Variants in ITPR1 observed in about 807,000 individuals in gnomAD.
ITPR1 encodes the protein inositol 1,4,5-trisphosphate-gated calcium channel ITPR1.
A neutral mutation model predicts 318.4 loss-of-function variants in ITPR1; 96 were observed. The observed-to-expected ratio is 0.30, with a 90% CI of 0.26 to 0.36. The LOEUF (loss-of-function observed/expected upper bound fraction) is 0.36. Ranked by LOEUF, ITPR1 falls within the 10% of genes least tolerant of loss-of-function variation. The pLI is 1.00. For synonymous variants in ITPR1, 1,312 were observed against 1,289.9 expected (o/e 1.02, Z -0.37); for missense variants, 2,440 against 3,460.2 (o/e 0.71, Z 7.40).
rs562710059 is a variant in ITPR1, at chr3:4,779,989, G to A, written c.6387+344G>A. Among the ~76,000 whole-genome samples, 41 of 152,082 alleles carry A rather than the reference G, an allele frequency of 2.7e-4. No homozygotes were observed. The highest frequency in any genetic ancestry group is 8.4e-4 in the African/African-American group (35 of 41,494). On this transcript the variant is annotated intron_variant, in intron 49 of 61. Transcript: ENST00000649015. The surrounding 1 kb of genome is among the most constrained non-coding windows in gnomAD (Gnocchi z 4.0). ...GCATAAACCACATGGAGAAGCCTCC[G>A]TCTCTGTTTTTCCCTCATGGGGGAC...
intron 44 of ITPR1, among the ~76,000 whole-genome samples, chr3:4,752,166 C>T (rs1343672068): frequency 3.9e-5 from 6 of 152,122 alleles, no homozygotes; most frequent in Admixed American, 1.3e-4. Context: ...TATTGCTCTT[C>T]GAGGAGGATG....
chr3:4,644,230 A>C lies in ITPR1; in HGVS notation c.620A>C (p.Asn207Thr), dbSNP rs772979758. The C allele has an allele frequency of 3.1e-6, 5 of 1,601,408 alleles. No homozygotes were observed. The highest frequency in any genetic ancestry group is 4.3e-6 in the Non-Finnish European group (5 of 1,172,722). Residue 207 changes from asparagine (N) to threonine (T), a missense_variant, in exon 8 of 62, where the codon AAT becomes ACT. Coordinates refer to ENST00000649015, the MANE Select transcript of ITPR1 (RefSeq NM_001378452.1). ...SHQLVDNPGC[N>T]EVNSVNCNTS... The stretch of plus-strand genomic sequence containing the variant: ...CAACTGGTAGATAACCCAGGCTGCA[A>C]TGAGGTAAGGACATTGAGTTATGTG...
chr3:4,589,311 A>G (rs2090187559), intron 4 of ITPR1, among the ~76,000 whole-genome samples: 2 of 152,156 alleles, frequency 1.3e-5, no homozygotes, highest in Non-Finnish European at 1.5e-5. Flanking sequence ...TCGTGAAAAA[A>G]CAAATGGTGG....
At chr3:4,694,767 A>G (rs2094532117) in intron 33 of ITPR1, among the ~76,000 whole-genome samples, 1 of 152,238 alleles carries the variant, frequency 6.6e-6, no homozygotes, top group Non-Finnish European at 1.5e-5. Context: ...TATGAGACCC[A>G]TCATTGACCA....
intron 4 of ITPR1, among the ~76,000 whole-genome samples, chr3:4,612,674 G>A (rs2125102994): frequency 6.6e-6 from 1 of 152,136 alleles, no homozygotes; most frequent in Admixed American, 6.5e-5. Flanking sequence ...ATCACCTGAG[G>A]TCAGGAGTTT....
chr3:4,782,555 T>C (rs1042366037), intron 49 of ITPR1, 64 bp from the exon 50 acceptor site: 27 of 1,501,204 alleles, frequency 1.8e-5, no homozygotes, highest in Admixed American at 6.0e-5. Context: ...GTGCATGCTG[T>C]CCATCCAGTC....
intron 15 of ITPR1, 88 bp from the exon 16 acceptor site, chr3:4,662,977 C>A: frequency 8.4e-7 from 1 of 1,190,196 alleles, no homozygotes; most frequent in Non-Finnish European, 1.2e-6. Context: ...GTTTAACTGG[C>A]TCATTCGTCC....
chr3:4,700,916 A>G (rs943750834), intron 35 of ITPR1, among the ~76,000 whole-genome samples: 29 of 152,200 alleles, frequency 1.9e-4, no homozygotes, highest in African/African-American at 7.0e-4. Context: ...CCATCAGATC[A>G]TGCGAGACTC....
intron 54 of ITPR1, among the ~76,000 whole-genome samples, chr3:4,804,443 G>A (rs1023236629): frequency 1.3e-5 from 2 of 152,232 alleles, no homozygotes; most frequent in Non-Finnish European, 2.9e-5. Flanking sequence ...CTGTTGAGAG[G>A]TGGGGATGGA....
At chr3:4,839,595 A>C (rs1420331197) in intron 61 of ITPR1, among the ~76,000 whole-genome samples, 1 of 152,208 alleles carries the variant, frequency 6.6e-6, no homozygotes, top group Non-Finnish European at 1.5e-5. Context: ...TCAGAAGTCA[A>C]GTCGCATCAT....
chr3:4,605,446 A>G (rs2091638085), intron 4 of ITPR1, among the ~76,000 whole-genome samples: 1 of 152,224 alleles, frequency 6.6e-6, no homozygotes, highest in Non-Finnish European at 1.5e-5. Context: ...CATAGATAAG[A>G]TAAAAGCATA....
chr3:4,671,035 G>T (rs529724509), intron 20 of ITPR1, 109 bp downstream of exon 20: 14 of 778,908 alleles, frequency 1.8e-5, no homozygotes, highest in Admixed American at 3.3e-5. Context: ...GAGTCATCTT[G>T]TAAGATTGTC....
intron 60 of ITPR1, chr3:4,831,038 C>G (rs763231169): frequency 2.2e-6 from 1 of 456,178 alleles, no homozygotes; most frequent in South Asian, 1.5e-5. Context: ...AAAAAAAATA[C>G]CCCACTTCTC....
At chr3:4,831,690 G>A (rs3828439) in intron 60 of ITPR1, among the ~76,000 whole-genome samples, 45,875 of 152,110 alleles carry the variant, frequency 0.3, 7,293 homozygotes, top group East Asian at 0.52. Context: ...TTGAATAGAT[G>A]ATACAGGCAA....
At position 4,846,296 on chromosome 3, in the gene ITPR1, G is replaced by T; in HGVS notation, c.*71G>T. The T allele has an allele frequency of 3.0e-6, 3 of 1,013,424 alleles. No individual in the cohort carries two copies. The highest frequency in any genetic ancestry group is 4.5e-6 in the Non-Finnish European group (3 of 666,990). 62.8% of individuals were successfully genotyped at this position (1,013,424 alleles called of 1,614,324 possible). ...AGTGTGGGTATGGCTAATGAGTTCT[G>T]ATTCACCCACGAAGGTTACATTTAT... On this transcript the variant is annotated 3_prime_UTR_variant, in exon 62 of 62. Coordinates refer to ENST00000649015, the MANE Select transcript of ITPR1 (RefSeq NM_001378452.1).
intron 37 of ITPR1, among the ~76,000 whole-genome samples, chr3:4,706,928 C>T (rs2094770624): frequency 6.6e-6 from 1 of 152,186 alleles, no homozygotes; most frequent in Non-Finnish European, 1.5e-5. Flanking sequence ...TATACAAGCA[C>T]CTCAGTTGAT....
At chr3:4,556,500 AT>A (rs200955422) in intron 4 of ITPR1, among the ~76,000 whole-genome samples, 2,735 of 141,848 alleles carry the variant, frequency 0.019, 34 homozygotes, top group East Asian at 0.083. Flanking sequence ...GCAACTACTG[AT>A]TTTTTTTTTT....
chr3:4,636,093 C>T (rs1279965698), intron 5 of ITPR1, among the ~76,000 whole-genome samples: 2 of 151,972 alleles, frequency 1.3e-5, no homozygotes, highest in Non-Finnish European at 2.9e-5. Flanking sequence ...CTCCCGACCT[C>T]ACGTGATCCG....
At chr3:4,545,691 CTTTT>C (rs71623167) in intron 4 of ITPR1, among the ~76,000 whole-genome samples, 2 of 103,402 alleles carry the variant, frequency 1.9e-5, no homozygotes, top group Non-Finnish European at 3.9e-5. Flanking sequence ...AGTATGCAAA[CTTTT>C]TTTTTTTTTT....
Sources: allele counts gnomAD v4.1 joint callset (sites outside exome capture counted in the v4.1 genomes callset), GRCh38; gene constraint gnomAD v4.1.1; non-coding constraint Gnocchi (gnomAD v3.1); transcripts MANE v1.5; gene names NCBI Gene and HGNC (gene_info 2026-07-23, HGNC 2026-07-21).